Variants in RUNX1 observed in about 807,000 individuals in gnomAD.
RUNX1 encodes runt-related transcription factor 1.
RUNX1 carries 19 observed loss-of-function variants against 42.8 expected under a neutral mutation model. The observed-to-expected ratio is 0.44, with a 90% confidence interval of 0.31 to 0.65. RUNX1 has a LOEUF of 0.65. Among genes scored for constraint, RUNX1 ranks in the 30% least tolerant of loss-of-function variants. The pLI is 0.07. For missense variants in RUNX1, 528 were observed against 672.0 expected, an observed-to-expected ratio of 0.79 and a Z score of 2.37; for synonymous variants, 271 against 289.4, an observed-to-expected ratio of 0.94 and a Z score of 0.64.
rs1214667759 is a variant in RUNX1 at position 34,792,349 on chromosome 21, G to A, written c.1229C>T (p.Ser410Leu). The A allele has an allele frequency of 1.1e-5, 17 of 1,545,824 alleles. No homozygotes were observed. Among genetic ancestry groups the A allele is most frequent in the Non-Finnish European group, 1.4e-5 (16 of 1,144,234 alleles). The change falls in exon 9 of 9, where the codon TCG (serine) becomes TTG (leucine). Residue 410 changes from serine (S) to leucine (L), a missense_variant. Coordinates refer to ENST00000675419, the MANE Select transcript of RUNX1 (RefSeq NM_001754.5). The surrounding 1 kb of genome is among the most constrained non-coding windows in gnomAD (Gnocchi z 6.9). ...SPSYHLYYGA[S>L]AGSYQFSMVG... Reference sequence around the variant, plus strand: ...CATGGAGAACTGGTAGGAGCCGGCCGAGGCGCCGTAGTACAGGTGGTAGGA... The same window carrying A: ...CATGGAGAACTGGTAGGAGCCGGCCAAGGCGCCGTAGTACAGGTGGTAGGA...
intron 2 of RUNX1, among the ~76,000 whole-genome samples, chr21:35,013,212 T>C (rs2059137826): frequency 6.6e-6 from 1 of 152,206 alleles, no homozygotes; most frequent in South Asian, 2.1e-4. Flanking sequence ...GTAAATAACA[T>C]TATATTGGGG....
At chr21:35,024,548 G>C (rs1376021688) in intron 2 of RUNX1, among the ~76,000 whole-genome samples, 2 of 149,866 alleles carry the variant, frequency 1.3e-5, no homozygotes, top group Non-Finnish European at 2.9e-5. Context: ...AAAAGACTTA[G>C]AACTGACTTT....
chr21:35,013,902 TA>T (rs2059142351), intron 2 of RUNX1, among the ~76,000 whole-genome samples: 1 of 152,244 alleles, frequency 6.6e-6, no homozygotes, highest in Non-Finnish European at 1.5e-5. Flanking sequence ...GGTGATATTT[TA>T]GAAGAATTTT....
chr21:34,906,813 G>C (rs1285233102), intron 2 of RUNX1, among the ~76,000 whole-genome samples: 2 of 152,196 alleles, frequency 1.3e-5, no homozygotes, highest in Non-Finnish European at 2.9e-5. Context: ...GAAAGGAACT[G>C]CTTTAGAAAC....
chr21:34,861,563 T>C (rs2057576055), intron 5 of RUNX1, among the ~76,000 whole-genome samples: 1 of 152,156 alleles, frequency 6.6e-6, no homozygotes, highest in Admixed American at 6.5e-5. Context: ...TTTTAGGATC[T>C]TCTCACTAAT....
intron 7 of RUNX1, 112 bp from the exon 8 acceptor site, chr21:34,799,574 G>A (rs1031514419): frequency 2.8e-5 from 25 of 889,946 alleles, no homozygotes; most frequent in African/African-American, 1.7e-4. Context: ...CATGTATGTG[G>A]CCTATGTACC....
chr21:34,891,439 G>A (rs753956587), intron 3 of RUNX1, among the ~76,000 whole-genome samples: 6 of 152,192 alleles, frequency 3.9e-5, no homozygotes, highest in Non-Finnish European at 8.8e-5. Context: ...CTTCCTTACT[G>A]AGGATCTAAA....
chr21:34,846,376 C>T (rs1311663257), intron 6 of RUNX1, among the ~76,000 whole-genome samples: 5 of 151,566 alleles, frequency 3.3e-5, no homozygotes, highest in Non-Finnish European at 5.9e-5. Context: ...TTCTCAGTCA[C>T]AATCTTTGTC....
At chr21:34,905,669 A>G (rs1458613921) in intron 2 of RUNX1, among the ~76,000 whole-genome samples, 1 of 152,232 alleles carries the variant, frequency 6.6e-6, no homozygotes, top group African/African-American at 2.4e-5. Flanking sequence ...TTTGGATACA[A>G]AGTAGGAAGT....
In RUNX1 at chr21:34,862,234, G is replaced by A. The variant is rs375399605; in HGVS notation, c.509-2656C>T. Reference sequence around the variant, plus strand: ...CAGTTTCCTCATCAGCAAAATGAGGGGGGTTCATGGGATGCATGCAATGTC... The same window carrying A: ...CAGTTTCCTCATCAGCAAAATGAGGAGGGTTCATGGGATGCATGCAATGTC... On this transcript the variant is annotated intron_variant, in intron 5 of 8. Transcript: ENST00000675419. Among the ~76,000 whole-genome samples the A allele has an allele frequency of 3.6e-4, 55 of 152,210 alleles. No individual in the cohort carries two copies. The South Asian group carries it at 0.011, about 29-fold the overall frequency.
intron 2 of RUNX1, among the ~76,000 whole-genome samples, chr21:35,044,002 T>C (rs1330173810): frequency 6.6e-6 from 1 of 152,222 alleles, no homozygotes; most frequent in African/African-American, 2.4e-5. Context: ...CTGTTGTCCT[T>C]GTGTGTTCAG....
chr21:34,991,137 C>T (rs1027786917), intron 2 of RUNX1, among the ~76,000 whole-genome samples: 6 of 152,178 alleles, frequency 3.9e-5, no homozygotes, highest in African/African-American at 1.2e-4. Context: ...TGGCGAAGAC[C>T]GGGGCCCAGC....
intron 2 of RUNX1, among the ~76,000 whole-genome samples, chr21:35,009,495 T>G (rs1601667745): frequency 1.3e-5 from 2 of 152,160 alleles, no homozygotes; most frequent in Non-Finnish European, 2.9e-5. Context: ...GCAATTTTAG[T>G]GTTAATTACA....
At chr21:35,004,300 T>G (rs1257847376) in intron 2 of RUNX1, among the ~76,000 whole-genome samples, 1 of 152,220 alleles carries the variant, frequency 6.6e-6, no homozygotes, top group Admixed American at 6.5e-5. Flanking sequence ...AGAACTTTCT[T>G]GTATCAAATA....
At chr21:34,916,415 G>T (rs1257619878) in intron 2 of RUNX1, among the ~76,000 whole-genome samples, 2 of 152,176 alleles carry the variant, frequency 1.3e-5, no homozygotes, top group Non-Finnish European at 2.9e-5. Flanking sequence ...ATGAAGGCAT[G>T]GTCCCTCACT....
chr21:34,794,077 C>G (rs1462038596), intron 8 of RUNX1, among the ~76,000 whole-genome samples: 1 of 151,846 alleles, frequency 6.6e-6, no homozygotes, highest in Non-Finnish European at 1.5e-5. Context: ...TATTAATATA[C>G]CAATAATATA....
At chr21:34,999,620 C>CAA (rs1160511671) in intron 2 of RUNX1, among the ~76,000 whole-genome samples, 1 of 152,174 alleles carries the variant, frequency 6.6e-6, no homozygotes, top group Non-Finnish European at 1.5e-5. Flanking sequence ...AACACACACA[C>CAA]AATCTAGTGT....
At chr21:35,030,976 C>T (rs1036848956) in intron 2 of RUNX1, among the ~76,000 whole-genome samples, 2 of 152,116 alleles carry the variant, frequency 1.3e-5, no homozygotes, top group Non-Finnish European at 2.9e-5. Flanking sequence ...ATAAAAAATA[C>T]TCAACATCAC....
At chr21:34,834,075 A>C in intron 7 of RUNX1, 1 of 510,514 alleles carries the variant, frequency 2.0e-6, no homozygotes, top group South Asian at 1.8e-5. Context: ...TAGGTAAAAA[A>C]ATAGCATAGC....
Sources: allele counts gnomAD v4.1 joint callset (sites outside exome capture counted in the v4.1 genomes callset), GRCh38; gene constraint gnomAD v4.1.1; non-coding constraint Gnocchi (gnomAD v3.1); transcripts MANE v1.5; gene names NCBI Gene and HGNC (gene_info 2026-07-23, HGNC 2026-07-21).